Variants in PLA2G1B observed in about 807,000 individuals in gnomAD.
The protein encoded by PLA2G1B is phospholipase A2 group IB.
PLA2G1B carries 12 observed loss-of-function variants against 12.5 expected under a neutral mutation model. That is an observed-to-expected ratio of 0.96 (90% CI 0.62 to 1.56). The LOEUF (loss-of-function observed/expected upper bound fraction) is 1.56, where lower values mean the gene tolerates loss of function less well. PLA2G1B is among the 40% of genes most tolerant of loss of function. The pLI is 0.00. For synonymous variants in PLA2G1B, 81 were observed against 73.4 expected, an observed-to-expected ratio of 1.10 and a Z score of -0.53; for missense variants, 189 against 186.7, an observed-to-expected ratio of 1.01 and a Z score of -0.07.
At position 120,326,025 on chromosome 12, in the gene PLA2G1B, A is replaced by C; in HGVS notation, c.35-5T>G. ...TGCCGCTGTCGGCGGCGGCCACTGC[A>C]AGAAGACATAGCCAGAGTTCAAATC... On this transcript the variant is annotated splice_region_variant and splice_polypyrimidine_tract_variant and intron_variant, in intron 1 of 3. Transcript: ENST00000308366. 6.2e-7 allele frequency: 1 copy of C among 1,613,382 alleles called. No individual in the cohort carries two copies. The highest frequency in any genetic ancestry group is 8.5e-7 in the Non-Finnish European group (1 of 1,179,940).
In PLA2G1B at chr12:120,327,708, A is replaced by G; in HGVS notation, c.34+12T>C. The G allele has an allele frequency of 6.2e-7, 1 of 1,613,480 alleles. No homozygotes were observed. Among genetic ancestry groups the G allele is most frequent in the Non-Finnish European group, 8.5e-7 (1 of 1,179,582 alleles). ...GAGAGAAAGGCGGGTGGAGCCGGGG[A>G]GACTTGCCTACCTGTGAGCAGCACA... On this transcript the variant is annotated intron_variant, in intron 1 of 3. Transcript: ENST00000308366.
chr12:120,326,102 C>G, intron 1 of PLA2G1B, 82 bp from the exon 2 acceptor site: 2 of 1,468,444 alleles, frequency 1.4e-6, no homozygotes, highest in Non-Finnish European at 1.9e-6. Flanking sequence ...TCGGGTCCCA[C>G]GCTGCCTCCC....
chr12:120,322,136 T>C lies in PLA2G1B; in HGVS notation c.*57A>G. ...TGAGGTCTTTCAACAAGGTGCTTTA[T>C]TGGAGAGTACAGTGTGAGATGAGGC... On this transcript the variant is annotated 3_prime_UTR_variant, in exon 4 of 4. Transcript: ENST00000308366. 6.4e-7 allele frequency: 1 copy of C among 1,559,486 alleles called. No individual in the cohort carries two copies. The highest frequency in any genetic ancestry group is 2.3e-5 in the East Asian group (1 of 44,156).
chr12:120,322,212 T>C lies in PLA2G1B; in HGVS notation c.428A>G (p.Lys143Arg), dbSNP rs1592907410. 1 of 1,614,114 alleles carries C rather than the reference T, an allele frequency of 6.2e-7. No individual in the cohort carries two copies. Among genetic ancestry groups the C allele is most frequent in the East Asian group, 2.2e-5 (1 of 44,882 alleles). Residue 143 changes from lysine to arginine, a missense_variant, in exon 4 of 4, where the codon AAG becomes AGG. Transcript: ENST00000308366. ...TGATATTCAACTCTGACAATACTTC[T>C]TGGTGTCCAGGTTCTTGTGTGCCTT... is the stretch of plus-strand genomic sequence containing the variant. ...YNKAHKNLDT[K>R]KYCQS
chr12:120,322,735 C>T lies in PLA2G1B; in HGVS notation c.323-418G>A, dbSNP rs1151839. Among the ~76,000 whole-genome samples the T allele has an allele frequency of 3.4e-3, 520 of 152,142 alleles. 3 individuals are homozygous for T. The highest frequency in any genetic ancestry group is 0.012 in the African/African-American group (507 of 41,510). On this transcript the variant is annotated intron_variant, in intron 3 of 3. Transcript: ENST00000308366. Reference sequence around the variant, plus strand: ...CTGAGTAGCTGGGACTACAGGTGCTCGCCACCATGCCCAGCTAATTTTTGT... The same window carrying T: ...CTGAGTAGCTGGGACTACAGGTGCTTGCCACCATGCCCAGCTAATTTTTGT...
At position 120,324,672 on chromosome 12, in the gene PLA2G1B, C is replaced by T. The variant is rs558413447; in HGVS notation, c.322+262G>A. 2.6e-5 allele frequency among the ~76,000 whole-genome samples: 4 copies of T among 151,882 alleles called. No individual in the cohort carries two copies. The South Asian group carries it at 8.3e-4, about 31-fold the overall frequency. ...GACAGAGCAAGACCCTGTCTCTAAACAACAACAAAAAAAAACCCAAACTGT... is the reference window on the plus strand; with the variant it reads ...GACAGAGCAAGACCCTGTCTCTAAATAACAACAAAAAAAAACCCAAACTGT... On this transcript the variant is annotated intron_variant, in intron 3 of 3. Coordinates refer to ENST00000308366, the MANE Select transcript of PLA2G1B (RefSeq NM_000928.3).
rs144947439 is a variant in PLA2G1B at position 120,324,509 on chromosome 12, A to T, written c.322+425T>A. On this transcript the variant is annotated intron_variant, in intron 3 of 3. Transcript: ENST00000308366. ...AGTAAGACCCAGTCTCTACAAAAAA[A>T]TTTTTTTAATTAGCCAGGCGTGGTG... Among the ~76,000 whole-genome samples, 1,209 of 151,970 alleles carry T rather than the reference A, an allele frequency of 8.0e-3. 14 individuals are homozygous for T. The highest frequency in any genetic ancestry group is 0.028 in the African/African-American group (1,140 of 41,432).
At chr12:120,324,278 G>A (rs9657936) in intron 3 of PLA2G1B, among the ~76,000 whole-genome samples, 8,693 of 152,088 alleles carry the variant, frequency 0.057, 376 homozygotes, top group Admixed American at 0.15. Flanking sequence ...AGGTTGAGGT[G>A]ATGAAGTGAG....
chr12:120,322,253 T>A lies in PLA2G1B; in HGVS notation c.387A>T (p.Ser129=). The change falls in exon 4 of 4, where the codon TCA becomes TCT. Residue 129 remains serine (S), a synonymous_variant. Coordinates refer to ENST00000308366, the MANE Select transcript of PLA2G1B (RefSeq NM_000928.3). ...NCDRNAAICF[S]KAPYNKAHKN... is the part of the protein sequence containing the mutation. ...TGTGTGCCTTGTTATATGGAGCTTTTGAAAAGCAGATGGCAGCGTTGCGGT... is the reference window on the plus strand; with the variant it reads ...TGTGTGCCTTGTTATATGGAGCTTTAGAAAAGCAGATGGCAGCGTTGCGGT... The A allele has an allele frequency of 1.2e-6, 2 of 1,614,110 alleles. No homozygotes were observed. The highest frequency in any genetic ancestry group is 1.7e-6 in the Non-Finnish European group (2 of 1,179,992).
At chr12:120,326,813 A>G (rs146091849) in intron 1 of PLA2G1B, among the ~76,000 whole-genome samples, 1 of 151,996 alleles carries the variant, frequency 6.6e-6, no homozygotes, top group African/African-American at 2.4e-5. Flanking sequence ...TATTAAAAAT[A>G]CAAAAAAATT....
chr12:120,326,844 G>A (rs1350310544), intron 1 of PLA2G1B, among the ~76,000 whole-genome samples: 5 of 151,854 alleles, frequency 3.3e-5, no homozygotes, highest in African/African-American at 4.8e-5. Flanking sequence ...GGTGGCAGGC[G>A]CCTTTAGTCC....
Position 120,325,854 on chromosome 12 carries a change from C to CACTT in PLA2G1B, c.194+3_194+6dup. 6.2e-7 allele frequency: 1 copy of CACTT among 1,613,316 alleles called. No homozygotes were observed. Among genetic ancestry groups the CACTT allele is most frequent in the African/African-American group, 1.3e-5 (1 of 75,046 alleles). On this transcript the variant is annotated splice_region_variant and intron_variant, in intron 2 of 3. Coordinates refer to ENST00000308366, the MANE Select transcript of PLA2G1B (RefSeq NM_000928.3). ...CACTCCAATTTTCCTGCAGGCGGAT[C>CACTT]ACTTACTTGTCCAGTTCATCCACGG...
rs374594408 is a variant in PLA2G1B at position 120,322,325 on chromosome 12, G to A, written c.323-8C>T. ...CACACTCTTTGTTTTTGCCTGGAGAGGGATGAAAGGAGAGGACTGAGCCAA... is the reference window on the plus strand; with the variant it reads ...CACACTCTTTGTTTTTGCCTGGAGAAGGATGAAAGGAGAGGACTGAGCCAA... On this transcript the variant is annotated splice_region_variant and splice_polypyrimidine_tract_variant and intron_variant, in intron 3 of 3. Transcript: ENST00000308366. The A allele has an allele frequency of 1.9e-6, 3 of 1,613,174 alleles. No homozygotes were observed. The highest frequency in any genetic ancestry group is 1.1e-5 in the South Asian group (1 of 90,970).
At chr12:120,327,614 G>A (rs966273623) in intron 1 of PLA2G1B, 106 bp downstream of exon 1, 33 of 1,091,630 alleles carry the variant, frequency 3.0e-5, no homozygotes, top group Non-Finnish European at 4.1e-5. Flanking sequence ...GAGACTGCGG[G>A]GCTGGCCATC....
At position 120,325,746 on chromosome 12, in the gene PLA2G1B, T is replaced by C. The variant is rs374687415; in HGVS notation, c.194+115A>G. ...TTGTTTATTTGACAAGAGGTGAAAA[T>C]ATGTTATCCTTAGCAGATATGCAAG... is the stretch of plus-strand genomic sequence containing the variant. On this transcript the variant is annotated intron_variant, in intron 2 of 3. Transcript: ENST00000308366. 103 of 945,332 alleles carry C rather than the reference T, an allele frequency of 1.1e-4. 1 individual carries two copies. The East Asian group carries it at 1.9e-3, about 17-fold the overall frequency. The allele number at this position is 945,332 out of a possible 1,614,324, so 58.6% of individuals were successfully genotyped here.
At chr12:120,325,256 GCT>G (rs1349120864) in intron 2 of PLA2G1B, among the ~76,000 whole-genome samples, 195 bp from the exon 3 acceptor site, 5 of 150,820 alleles carry the variant, frequency 3.3e-5, no homozygotes, top group Admixed American at 6.6e-5. Flanking sequence ...AGACAGAGTT[GCT>G]CTGTTACCCA....
At position 120,325,045 on chromosome 12, in the gene PLA2G1B, C is replaced by A; in HGVS notation, c.211G>T (p.Asp71Tyr). Residue 71 changes from aspartate (D) to tyrosine (Y), a missense_variant, in exon 3 of 4, where the codon GAC becomes TAC. By Grantham distance (160) the Asp-to-Tyr change is radical. Transcript: ENST00000308366. ...TTCTTGGCCTGGTCATAGCAGTTGT[C>A]ATGTGTCTGGCAGCACCTGGAAAGT... ...DELDKCCQTH[D>Y]NCYDQAKKLD... The A allele has an allele frequency of 6.2e-7, 1 of 1,613,932 alleles. No individual in the cohort carries two copies. The highest frequency in any genetic ancestry group is 1.1e-5 in the South Asian group (1 of 91,074).
chr12:120,322,331 AAAG>A lies in PLA2G1B; in HGVS notation c.323-17_323-15del. The A allele has an allele frequency of 1.9e-6, 3 of 1,613,086 alleles. No homozygotes were observed. Among genetic ancestry groups the A allele is most frequent in the Non-Finnish European group, 2.5e-6 (3 of 1,179,520 alleles). ...CTTTGTTTTTGCCTGGAGAGGGATGAAAGGAGAGGACTGAGCCAAGGTGGACCC... is the reference window on the plus strand; with the variant it reads ...CTTTGTTTTTGCCTGGAGAGGGATGAGAGAGGACTGAGCCAAGGTGGACCC... On this transcript the variant is annotated splice_polypyrimidine_tract_variant and intron_variant, in intron 3 of 3. Transcript: ENST00000308366.
chr12:120,326,209 TTA>T (rs1873344686), intron 1 of PLA2G1B, 189 bp from the exon 2 acceptor site: 1 of 465,750 alleles, frequency 2.1e-6, no homozygotes, highest in Admixed American at 3.9e-5. Flanking sequence ...AATGAAAACT[TTA>T]TATATATAAA....
Sources: allele counts gnomAD v4.1 joint callset (sites outside exome capture counted in the v4.1 genomes callset), GRCh38; gene constraint gnomAD v4.1.1; transcripts MANE v1.5; gene names NCBI Gene and HGNC (gene_info 2026-07-23, HGNC 2026-07-21).